Variants in CNNM2 observed in about 807,000 individuals in gnomAD.
CNNM2 encodes the protein metal transporter CNNM2.
A neutral mutation model predicts 66.9 loss-of-function variants in CNNM2; 12 were observed. The observed-to-expected ratio is 0.18, with a 90% CI of 0.11 to 0.29. The LOEUF is 0.29. Ranked by LOEUF, CNNM2 falls within the 10% of genes least tolerant of loss-of-function variation. The pLI is 1.00. For missense variants in CNNM2, 705 were observed against 1,167.7 expected (o/e 0.60, Z 5.77); for synonymous variants, 557 against 501.8 (o/e 1.11, Z -1.47).
intron 1 of CNNM2, among the ~76,000 whole-genome samples, chr10:102,979,936 C>G (rs1211463342): frequency 1.3e-5 from 2 of 149,982 alleles, no homozygotes; most frequent in African/African-American, 4.9e-5. Context: ...TTTTTTGAGA[C>G]ATATTCTTGC....
rs147373093 is a variant in CNNM2, at chr10:103,001,193, T to C, written c.1622-48514T>C. On this transcript the variant is annotated intron_variant, in intron 1 of 7. Coordinates refer to ENST00000369878, the MANE Select transcript of CNNM2 (RefSeq NM_017649.5). ...GTCAGGGGCTGTGGAGAGGGGAATA[T>C]GGGAAATTGTTGAATGCATTTTAGT... is the stretch of plus-strand genomic sequence containing the variant. 5.8e-4 allele frequency among the ~76,000 whole-genome samples: 88 copies of C among 152,258 alleles called. 1 individual carries two copies. The East Asian group carries it at 0.017, about 29-fold the overall frequency.
chr10:103,049,895 TTTG>T (rs750886070), intron 2 of CNNM2, 45 bp downstream of exon 2: 1 of 1,593,762 alleles, frequency 6.3e-7, no homozygotes, highest in Non-Finnish European at 8.6e-7. Flanking sequence ...CTTTGCTTTT[TTTG>T]TTGTGCTGTT....
intron 1 of CNNM2, among the ~76,000 whole-genome samples, chr10:102,970,346 A>C (rs1426723599): frequency 6.6e-6 from 1 of 152,226 alleles, no homozygotes. Flanking sequence ...AAATTACATG[A>C]AATTCAAATT....
chr10:103,031,825 T>A (rs2064826519), intron 1 of CNNM2, among the ~76,000 whole-genome samples: 1 of 85,918 alleles, frequency 1.2e-5, no homozygotes, highest in African/African-American at 5.3e-5. Flanking sequence ...ACTGTCTGCT[T>A]AAGTACAAAA....
intron 1 of CNNM2, among the ~76,000 whole-genome samples, chr10:103,011,503 AG>A (rs1268198867): frequency 1.3e-5 from 2 of 152,170 alleles, no homozygotes; most frequent in African/African-American, 2.4e-5. Flanking sequence ...AAGCTATCTA[AG>A]AAACAGTGTA....
At chr10:102,959,884 C>T (rs577268102) in intron 1 of CNNM2, among the ~76,000 whole-genome samples, 68 of 152,030 alleles carry the variant, frequency 4.5e-4, no homozygotes, top group Non-Finnish European at 8.8e-4. Flanking sequence ...AACCCCGTCT[C>T]TACTAAAAAT....
At position 103,058,222 on chromosome 10, in the gene CNNM2, TG is replaced by T. The variant is rs148841893; in HGVS notation, c.2073+1259del. ...TCTTCTAAATTTAGTTTTCCTCAAT[TG>T]TTTTTTTTCTTTCCTCTTTGGAGAT... On this transcript the variant is annotated intron_variant, in intron 4 of 7. Transcript: ENST00000369878. Among the ~76,000 whole-genome samples the T allele has an allele frequency of 0.011, 1,635 of 152,334 alleles. 29 individuals carry two copies. The highest frequency in any genetic ancestry group is 0.034 in the African/African-American group (1,408 of 41,576).
chr10:102,984,407 T>A (rs1226101328), intron 1 of CNNM2, among the ~76,000 whole-genome samples: 1 of 152,186 alleles, frequency 6.6e-6, no homozygotes, highest in African/African-American at 2.4e-5. Context: ...AAGTGTTATA[T>A]ATTAACAGAA....
At chr10:102,963,155 A>G (rs2063410530) in intron 1 of CNNM2, among the ~76,000 whole-genome samples, 2 of 152,206 alleles carry the variant, frequency 1.3e-5, no homozygotes, top group Admixed American at 1.3e-4. Flanking sequence ...AATTCTAGGA[A>G]AACACTTCTG....
chr10:102,921,988 G>A (rs1422489532), intron 1 of CNNM2, among the ~76,000 whole-genome samples: 2 of 152,032 alleles, frequency 1.3e-5, no homozygotes, highest in African/African-American at 4.8e-5. Context: ...TTTCTATGAT[G>A]GATTTATTTT....
At chr10:102,922,596 C>T (rs1845688579) in intron 1 of CNNM2, among the ~76,000 whole-genome samples, 1 of 152,110 alleles carries the variant, frequency 6.6e-6, no homozygotes, top group African/African-American at 2.4e-5. Context: ...CCCAACAATA[C>T]CAATTGTAAC....
chr10:103,089,777 T>G lies in CNNM2; in HGVS notation c.*12597T>G, dbSNP rs1241146596. ...GGTTGGGAGGTTTAATCTCACTAAT[T>G]GACCGTGTCAGCTGGTGCCGCTTGT... On this transcript the variant is annotated 3_prime_UTR_variant, in exon 8 of 8. Coordinates refer to ENST00000369878, the MANE Select transcript of CNNM2 (RefSeq NM_017649.5). 3 of 1,614,104 alleles carry G rather than the reference T, an allele frequency of 1.9e-6. No homozygotes were observed. In the Admixed American group the frequency reaches 5.0e-5, roughly 27 times the overall value.
At chr10:103,063,402 G>A (rs1381500892) in intron 4 of CNNM2, among the ~76,000 whole-genome samples, 1 of 152,194 alleles carries the variant, frequency 6.6e-6, no homozygotes, top group African/African-American at 2.4e-5. Flanking sequence ...AAACAAGAAG[G>A]TGAGCGGGAG....
At chr10:103,007,875 C>A (rs184300439) in intron 1 of CNNM2, among the ~76,000 whole-genome samples, 1 of 152,132 alleles carries the variant, frequency 6.6e-6, no homozygotes, top group Non-Finnish European at 1.5e-5. Flanking sequence ...ATAAGACAGG[C>A]GTTAAGAAAT....
intron 1 of CNNM2, among the ~76,000 whole-genome samples, chr10:103,033,169 A>G (rs2064862714): frequency 6.6e-6 from 1 of 151,588 alleles, no homozygotes; most frequent in African/African-American, 2.4e-5. Context: ...TCTTCTATAC[A>G]TTTTTTAAAT....
chr10:102,924,270 C>T (rs1322421114), intron 1 of CNNM2, among the ~76,000 whole-genome samples: 1 of 152,200 alleles, frequency 6.6e-6, no homozygotes, highest in African/African-American at 2.4e-5. Context: ...AAGATTGGGC[C>T]ACCAAGTTGT....
intron 6 of CNNM2, among the ~76,000 whole-genome samples, chr10:103,073,089 G>A (rs1056973243): frequency 2.6e-5 from 4 of 152,244 alleles, no homozygotes; most frequent in South Asian, 2.1e-4. Context: ...GCCTCTGCTC[G>A]CGCTGGCGCC....
intron 4 of CNNM2, among the ~76,000 whole-genome samples, chr10:103,064,043 A>G (rs1416886979): frequency 6.6e-6 from 1 of 152,176 alleles, no homozygotes; most frequent in Non-Finnish European, 1.5e-5. Flanking sequence ...CTTAAATCCT[A>G]TAGAGAGGGA....
chr10:102,956,229 A>G (rs1564819966), intron 1 of CNNM2, among the ~76,000 whole-genome samples: 1 of 148,190 alleles, frequency 6.7e-6, no homozygotes, highest in African/African-American at 2.5e-5. Flanking sequence ...CGGAGCCTGC[A>G]GTGAGCTGAA....
Sources: gnomAD v4.1 joint callset for allele counts (sites outside exome capture counted in the v4.1 genomes callset) on GRCh38, gnomAD v4.1.1 for gene constraint, MANE v1.5 for transcripts, NCBI Gene and HGNC (gene_info 2026-07-23, HGNC 2026-07-21) for gene names.